CREB3: variants seen among roughly 807,000 people sequenced by gnomAD.
CREB3 encodes the protein cAMP responsive element binding protein 3.
Under a neutral mutation model 34.5 loss-of-function variants are expected in CREB3, and 29 were observed. The ratio of observed to expected loss-of-function variants is 0.84; its 90% CI spans 0.63 to 1.15. The LOEUF is 1.15. Among genes scored for constraint, CREB3 ranks in the 50% most tolerant of loss-of-function variants. The pLI, the probability that CREB3 is intolerant of heterozygous loss-of-function variation, is 0.00. For missense variants in CREB3, 447 were observed against 443.4 expected, an observed-to-expected ratio of 1.01 and a Z score of -0.07; for synonymous variants, 187 against 173.9, an observed-to-expected ratio of 1.08 and a Z score of -0.59.
rs755267362 is a variant in CREB3, at chr9:35,733,031, C to T, written c.165C>T (p.Cys55=). 4.6e-5 allele frequency: 74 copies of T among 1,614,242 alleles called. No homozygotes were observed. Among genetic ancestry groups the T allele is most frequent in the Non-Finnish European group, 6.2e-5 (73 of 1,180,034 alleles). The change falls in exon 2 of 9, where the codon TGC becomes TGT. Residue 55 remains cysteine, a synonymous_variant. Coordinates refer to ENST00000353704, the MANE Select transcript of CREB3 (RefSeq NM_006368.5). ...ACTGGGAAGTAGATGATTTGCTGTG[C>T]TCCCTGCTGAGTCCCCCAGCGTCGT... ...PSDWEVDDLL[C]SLLSPPASLN...
intron 7 of CREB3, 29 bp from the exon 8 acceptor site, chr9:35,736,198 T>G (rs762614220): frequency 5.6e-6 from 9 of 1,613,060 alleles, no homozygotes; most frequent in Non-Finnish European, 6.8e-6. Flanking sequence ...TCCAGAGCCC[T>G]TCTTCATCTC....
chr9:35,734,151 G>A (rs893005206), intron 4 of CREB3, among the ~76,000 whole-genome samples: 3 of 151,616 alleles, frequency 2.0e-5, no homozygotes, highest in Non-Finnish European at 4.4e-5. Context: ...TTTTTTTTTG[G>A]TATTTTTAGT....
intron 6 of CREB3, 70 bp from the exon 7 acceptor site, chr9:35,735,978 A>G (rs1419672139): frequency 3.3e-6 from 4 of 1,200,138 alleles, no homozygotes; most frequent in Admixed American, 3.4e-5. Flanking sequence ...GGTGGCCTGA[A>G]CAGGAGTTTC....
At chr9:35,733,366 C>A in intron 3 of CREB3, 30 bp from the exon 4 acceptor site, 5 of 1,608,776 alleles carry the variant, frequency 3.1e-6, no homozygotes, top group Non-Finnish European at 4.3e-6. Context: ...CATCCCCATG[C>A]AACTGCCGTC....
Position 35,736,121 on chromosome 9 carries a change from A to T in CREB3, c.685A>T (p.Thr229Ser). The stretch of plus-strand genomic sequence containing the variant: ...ATCAAACAAAACCAGCAGCAGCAGC[A>T]CCTGCATCTTGGTGAGGATGGTGAT... ...EISNKTSSSS[T>S]CILVLLVSFC... The change falls in exon 7 of 9, where the codon ACC becomes TCC. Residue 229 changes from threonine (T) to serine (S), a missense_variant. Transcript: ENST00000353704. 1.2e-6 allele frequency: 2 copies of T among 1,614,048 alleles called. No individual in the cohort carries two copies. Among genetic ancestry groups the T allele is most frequent in the Non-Finnish European group, 8.5e-7 (1 of 1,179,906 alleles).
chr9:35,735,060 C>T, intron 4 of CREB3, 49 bp from the exon 5 acceptor site: 1 of 1,516,170 alleles, frequency 6.6e-7, no homozygotes, highest in Admixed American at 2.2e-5. Flanking sequence ...GTTTCAACTC[C>T]TTTTTCTAGA....
Position 35,736,233 on chromosome 9 carries a change from C to T in CREB3, c.703C>T (p.Leu235=). 6.2e-7 allele frequency: 1 copy of T among 1,614,140 alleles called. No individual in the cohort carries two copies. Among genetic ancestry groups the T allele is most frequent in the South Asian group, 1.1e-5 (1 of 91,082 alleles). The change falls in exon 8 of 9, where the codon CTA becomes TTA. Residue 235 remains leucine (L), a synonymous_variant. Transcript: ENST00000353704. ...SSSSTCILVL[L]VSFCLLLVPA... is the part of the protein sequence containing the mutation. Reference sequence around the variant, plus strand: ...CCTTTTTCCTGTGCTCTAGGTCCTACTAGTCTCCTTCTGCCTCCTCCTTGT... The same window carrying T: ...CCTTTTTCCTGTGCTCTAGGTCCTATTAGTCTCCTTCTGCCTCCTCCTTGT...
At chr9:35,735,055 A>G in intron 4 of CREB3, 54 bp from the exon 5 acceptor site, 8 of 1,469,366 alleles carry the variant, frequency 5.4e-6, no homozygotes, top group Non-Finnish European at 7.4e-6. Context: ...GTTGCGTTTC[A>G]ACTCCTTTTT....
Position 35,733,022 on chromosome 9 carries a change from T to C in CREB3, c.156T>C (p.Asp52=). The change falls in exon 2 of 9, where the codon GAT becomes GAC. Residue 52 remains aspartate (D), a synonymous_variant. Coordinates refer to ENST00000353704, the MANE Select transcript of CREB3 (RefSeq NM_006368.5). Reference sequence around the variant, plus strand: ...TACCGAGCGACTGGGAAGTAGATGATTTGCTGTGCTCCCTGCTGAGTCCCC... The same window carrying C: ...TACCGAGCGACTGGGAAGTAGATGACTTGCTGTGCTCCCTGCTGAGTCCCC... ...SEVPSDWEVD[D]LLCSLLSPPA... 2 of 1,614,218 alleles carry C rather than the reference T, an allele frequency of 1.2e-6. No homozygotes were observed. The highest frequency in any genetic ancestry group is 1.7e-6 in the Non-Finnish European group (2 of 1,180,034).
Position 35,736,649 on chromosome 9 carries a change from G to T in CREB3, c.1039G>T (p.Ala347Ser). 6.2e-7 allele frequency: 1 copy of T among 1,613,576 alleles called. No individual in the cohort carries two copies. Residue 347 changes from alanine (A) to serine (S), a missense_variant, in exon 9 of 9, where the codon GCA (alanine) becomes TCA (serine). Physicochemically the swap from Ala to Ser is moderately conservative, Grantham distance 99 (BLOSUM62 1). Coordinates refer to ENST00000353704, the MANE Select transcript of CREB3 (RefSeq NM_006368.5). ...LCRGPILPLQ[A>S]NLTRKGGWLP... ...CCGAGGTCCCATCCTCCCCCTGCAG[G>T]CAAATCTCACAAGGAAGGGAGGATG...
At chr9:35,735,932 AAAGT>A (rs1347331907) in intron 6 of CREB3, 112 bp from the exon 7 acceptor site, 5 of 760,340 alleles carry the variant, frequency 6.6e-6, no homozygotes, top group African/African-American at 5.3e-5. Flanking sequence ...AATAGAATGA[AAAGT>A]AAGAGAGAGG....
chr9:35,733,181 A>G (rs1826123710), intron 2 of CREB3, 34 bp from the exon 3 acceptor site: 6 of 1,614,202 alleles, frequency 3.7e-6, no homozygotes, highest in Non-Finnish European at 5.1e-6. Context: ...GACAGGGTTC[A>G]TGGGCCTGGC....
intron 4 of CREB3, 25 bp from the exon 5 acceptor site, chr9:35,735,084 T>C: frequency 6.4e-7 from 1 of 1,573,544 alleles, no homozygotes; most frequent in Non-Finnish European, 8.6e-7. Context: ...CCTCTAATGA[T>C]ATCCCTTTCC....
intron 6 of CREB3, 71 bp downstream of exon 6, chr9:35,735,445 T>TAC: frequency 2.2e-6 from 3 of 1,384,576 alleles, no homozygotes; most frequent in Non-Finnish European, 2.1e-6. Context: ...TCCCCTGCCC[T>TAC]ACACTTGATT....
chr9:35,732,740 C>T lies in CREB3; in HGVS notation c.-33C>T. 6.3e-7 allele frequency: 1 copy of T among 1,586,710 alleles called. No homozygotes were observed. Among genetic ancestry groups the T allele is most frequent in the Non-Finnish European group, 8.6e-7 (1 of 1,166,142 alleles). On this transcript the variant is annotated 5_prime_UTR_variant, in exon 1 of 9. Coordinates refer to ENST00000353704, the MANE Select transcript of CREB3 (RefSeq NM_006368.5). This position sits in a 1 kb window ranked among gnomAD's most constrained non-coding sequence, Gnocchi z 5.1. ...CGTGTCTGGGCTTCGGACGTTGGGG[C>T]CCGGTGGCCCACCCTTTCCGTAGTT...
Position 35,733,791 on chromosome 9 carries a change from T to C in CREB3, c.435+306T>C, listed in dbSNP as rs1420379589. Among the ~76,000 whole-genome samples, 4 of 152,182 alleles carry C rather than the reference T, an allele frequency of 2.6e-5. No individual in the cohort carries two copies. The East Asian group carries it at 7.7e-4, about 29-fold the overall frequency. ...GAAGGGCCTTGACACTTCGTTGGCT[T>C]CATAGTAATCCACCTCTTGCTGAAT... On this transcript the variant is annotated intron_variant, in intron 4 of 8. Transcript: ENST00000353704.
In CREB3 at chr9:35,733,200, C is replaced by CT; in HGVS notation, c.278-12dup. 1 of 1,614,234 alleles carries CT rather than the reference C, an allele frequency of 6.2e-7. No individual in the cohort carries two copies. The highest frequency in any genetic ancestry group is 8.5e-7 in the Non-Finnish European group (1 of 1,180,044). ...GGGTTCATGGGCCTGGCTATTCATACTTTCCCTTTTGCAGAGAGTGAGAGC... is the reference window on the plus strand; with the variant it reads ...GGGTTCATGGGCCTGGCTATTCATACTTTTCCCTTTTGCAGAGAGTGAGAGC... On this transcript the variant is annotated splice_polypyrimidine_tract_variant and intron_variant, in intron 2 of 8. Transcript: ENST00000353704.
chr9:35,733,637 A>G, intron 4 of CREB3, 152 bp downstream of exon 4: 1 of 623,288 alleles, frequency 1.6e-6, no homozygotes, highest in Non-Finnish European at 2.8e-6. Flanking sequence ...GCAGGTACAC[A>G]ATATGCCAGA....
rs897844138 is a variant in CREB3, at chr9:35,736,802, A to G, written c.*76A>G. On this transcript the variant is annotated 3_prime_UTR_variant, in exon 9 of 9. Coordinates refer to ENST00000353704, the MANE Select transcript of CREB3 (RefSeq NM_006368.5). ...TGTGTCCAAATAAAAAGCGGTGGGC[A>G]AGGGCTGGCCGCAGCTCCTGTGCCC... is the stretch of plus-strand genomic sequence containing the variant. The G allele has an allele frequency of 1.5e-6, 2 of 1,376,546 alleles. No individual in the cohort carries two copies. Among genetic ancestry groups the G allele is most frequent in the African/African-American group, 2.9e-5 (2 of 69,878 alleles). The allele number at this position is 1,376,546 out of a possible 1,614,324, so 85.3% of individuals were successfully genotyped here. A position where few individuals can be genotyped will look rare whatever the true frequency, so the allele number is the denominator to read the frequency against.
Sources: gnomAD v4.1 joint callset for allele counts (sites outside exome capture counted in the v4.1 genomes callset) on GRCh38, gnomAD v4.1.1 for gene constraint, Gnocchi (gnomAD v3.1) non-coding constraint, MANE v1.5 for transcripts, NCBI Gene and HGNC (gene_info 2026-07-23, HGNC 2026-07-21) for gene names.